CSRP3: variants seen among roughly 807,000 people sequenced by gnomAD.
CSRP3 encodes the protein cysteine and glycine rich protein 3, also known as cysteine and glycine-rich protein 3.
In CSRP3, 24 loss-of-function variants were observed where a neutral mutation model predicts 24.3. The observed-to-expected ratio is 0.99, with a 90% CI of 0.71 to 1.39. The LOEUF is 1.39. Ranked by LOEUF, CSRP3 falls within the 40% of genes most tolerant of loss-of-function variation. The pLI, the probability that CSRP3 is intolerant of heterozygous loss-of-function variation, is 0.00. For synonymous variants in CSRP3, 105 were observed against 94.0 expected (o/e 1.12, Z -0.68); for missense variants, 240 against 249.0 (o/e 0.96, Z 0.24).
intron 1 of CSRP3, among the ~76,000 whole-genome samples, chr11:19,199,624 G>A (rs750016254): frequency 6.6e-6 from 1 of 152,158 alleles, no homozygotes; most frequent in Non-Finnish European, 1.5e-5. Context: ...TAGAACTTTA[G>A]TTTCTTCCTC....
At chr11:19,188,328 G>A in intron 2 of CSRP3, 24 bp from the exon 3 acceptor site, 1 of 1,611,210 alleles carries the variant, frequency 6.2e-7, no homozygotes, top group Non-Finnish European at 8.5e-7. Flanking sequence ...GAAGGGTCAT[G>A]GGATTGGAAT....
At chr11:19,188,043 C>T in intron 3 of CSRP3, 93 bp downstream of exon 3, 1 of 1,474,464 alleles carries the variant, frequency 6.8e-7, no homozygotes, top group Non-Finnish European at 9.5e-7. Context: ...AGTCCATTCT[C>T]CCACTTCCAG....
chr11:19,193,869 A>G (rs117325392), intron 1 of CSRP3, among the ~76,000 whole-genome samples: 61 of 152,376 alleles, frequency 4.0e-4, no homozygotes, highest in Non-Finnish European at 6.8e-4. Flanking sequence ...TCATCTGCAT[A>G]TGTTTTTAGT....
Position 19,182,714 on chromosome 11 carries a change from T to TA in CSRP3, c.540dup (p.Ile181TyrfsTer33). 6.2e-7 allele frequency: 1 copy of TA among 1,614,110 alleles called. No homozygotes were observed. Among genetic ancestry groups the TA allele is most frequent in the Non-Finnish European group, 8.5e-7 (1 of 1,179,976 alleles). ...TGTTGTGTAAGGCCTCCAAACCCAA[T>TA]ACCCGTGGGGCCAAAATTTTTGGCA... On this transcript the variant is annotated frameshift_variant, in exon 6 of 6. Transcript: ENST00000265968. LOFTEE classifies it high-confidence loss of function.
intron 1 of CSRP3, among the ~76,000 whole-genome samples, chr11:19,198,909 G>A (rs1369385820): frequency 6.6e-6 from 1 of 152,194 alleles, no homozygotes. Flanking sequence ...ACACCATATA[G>A]AATTACTTAA....
At position 19,188,301 on chromosome 11, in the gene CSRP3, G is replaced by T. The variant is rs748417030; in HGVS notation, c.116C>A (p.Ala39Asp). The change falls in exon 3 of 6, where the codon GCC (alanine) becomes GAC (aspartate). Residue 39 changes from alanine (A) to aspartate (D), a missense_variant. By Grantham distance (126) the Ala-to-Asp change is moderately radical. Transcript: ENST00000265968. ...CGTGCTGTCAAGAGCCTTCCTGCAG[G>T]CCACTGCCAGGAAAAGGAAGGGTCA... ...SFHKTCFHCM[A>D]CRKALDSTTV... is the part of the protein sequence containing the mutation. 14 of 1,612,246 alleles carry T rather than the reference G, an allele frequency of 8.7e-6. No individual in the cohort carries two copies. Among genetic ancestry groups the T allele is most frequent in the Non-Finnish European group, 1.1e-5 (13 of 1,180,026 alleles).
intron 5 of CSRP3, 30 bp from the exon 6 acceptor site, chr11:19,182,776 A>T (rs773051385): frequency 2.0e-6 from 3 of 1,523,542 alleles, no homozygotes; most frequent in Non-Finnish European, 2.7e-6. Flanking sequence ...GAAGGGAGAG[A>T]CAATGCATTG....
chr11:19,188,094 T>C, intron 3 of CSRP3, 42 bp downstream of exon 3: 1 of 1,611,236 alleles, frequency 6.2e-7, no homozygotes. Flanking sequence ...TCCTGATAAT[T>C]GGAGACTTTA....
intron 2 of CSRP3, among the ~76,000 whole-genome samples, chr11:19,191,080 G>C (rs1458645869): frequency 2.0e-5 from 3 of 152,120 alleles, no homozygotes; most frequent in Admixed American, 6.5e-5. Flanking sequence ...AGACCCCCCA[G>C]TTTTCTCCTT....
In CSRP3 at chr11:19,182,700, G is replaced by A. The variant is rs765066102; in HGVS notation, c.555C>T (p.Gly185=). The change falls in exon 6 of 6, where the codon GGC becomes GGT. Residue 185 remains glycine (G), a synonymous_variant. Transcript: ENST00000265968. The stretch of plus-strand genomic sequence containing the variant: ...CTTTCTTTTCCACTTGTTGTGTAAG[G>A]CCTCCAAACCCAATACCCGTGGGGC... ...NFGPTGIGFG[G]LTQQVEKKE is the part of the protein sequence containing the mutation. 3.1e-6 allele frequency: 5 copies of A among 1,614,160 alleles called. No individual in the cohort carries two copies. In the South Asian group the frequency reaches 4.4e-5, roughly 14 times the overall value.
At chr11:19,186,425 G>A (rs1418639186) in intron 3 of CSRP3, 77 bp from the exon 4 acceptor site, 1 of 1,567,258 alleles carries the variant, frequency 6.4e-7, no homozygotes, top group East Asian at 2.2e-5. Context: ...CCTTGAGAAA[G>A]TGACCTCACT....
chr11:19,201,504 G>A (rs1346117), intron 1 of CSRP3, among the ~76,000 whole-genome samples: 129,857 of 152,236 alleles, frequency 0.85, 56,634 homozygotes, highest in Non-Finnish European at 0.94. Flanking sequence ...TCGCCAATTT[G>A]TATTGATCCT....
rs115490338 is a variant in CSRP3 at position 19,189,633 on chromosome 11, G to A, written c.113-1329C>T. On this transcript the variant is annotated intron_variant, in intron 2 of 5. Transcript: ENST00000265968. ...AGATAAAGTAATTGAATATGGGAGT[G>A]GAGGAAGAAGATAAGGTTGTAGATG... is the stretch of plus-strand genomic sequence containing the variant. Among the ~76,000 whole-genome samples, 507 of 152,270 alleles carry A rather than the reference G, an allele frequency of 3.3e-3. 3 individuals are homozygous for A. The highest frequency in any genetic ancestry group is 0.012 in the African/African-American group (489 of 41,556).
chr11:19,195,203 C>T (rs181871976), intron 1 of CSRP3, among the ~76,000 whole-genome samples: 21 of 151,846 alleles, frequency 1.4e-4, no homozygotes, highest in African/African-American at 5.1e-4. Context: ...AAAGAGCAAG[C>T]AGAAAGGCGT....
rs749361872 is a variant in CSRP3 at position 19,192,326 on chromosome 11, A to G, written c.112+11T>C. On this transcript the variant is annotated intron_variant, in intron 2 of 5. Coordinates refer to ENST00000265968, the MANE Select transcript of CSRP3 (RefSeq NM_003476.5). ...ATGCTGAGGGGCCCCCAGGGTGTCC[A>G]CCCAACTCACTGCAGTGGAAACACG... 1 of 1,608,258 alleles carries G rather than the reference A, an allele frequency of 6.2e-7. No individual in the cohort carries two copies. The highest frequency in any genetic ancestry group is 2.2e-5 in the East Asian group (1 of 44,832).
chr11:19,196,877 A>C (rs1387233982), intron 1 of CSRP3: 2 of 152,234 alleles, frequency 1.3e-5, no homozygotes, highest in Non-Finnish European at 2.9e-5. Flanking sequence ...TGTGACATCA[A>C]CTTGGAAGAG....
chr11:19,200,577 C>T (rs981910908), intron 1 of CSRP3, among the ~76,000 whole-genome samples: 9 of 152,154 alleles, frequency 5.9e-5, no homozygotes, highest in Admixed American at 5.9e-4. Flanking sequence ...TGTGTCTGGG[C>T]TGCAGAGCAC....
intron 1 of CSRP3, among the ~76,000 whole-genome samples, chr11:19,198,131 T>TA (rs1850772657): frequency 6.6e-6 from 1 of 152,228 alleles, no homozygotes; most frequent in African/African-American, 2.4e-5. Flanking sequence ...TTTTAATACT[T>TA]ACAACAGCTG....
At chr11:19,201,147 A>T (rs559540021) in intron 1 of CSRP3, among the ~76,000 whole-genome samples, 9 of 150,186 alleles carry the variant, frequency 6.0e-5, no homozygotes, top group South Asian at 2.1e-4. Context: ...GGGATATTTT[A>T]AAAAGTCCTT....
Sources: allele counts gnomAD v4.1 joint callset (sites outside exome capture counted in the v4.1 genomes callset), GRCh38; gene constraint gnomAD v4.1.1; transcripts MANE v1.5; gene names NCBI Gene and HGNC (gene_info 2026-07-23, HGNC 2026-07-21).